Variants in EXOC6B observed in about 807,000 individuals in gnomAD.
EXOC6B encodes the protein exocyst complex component 6B.
In EXOC6B, 54 loss-of-function variants were observed where a neutral mutation model predicts 113.5. The observed-to-expected ratio is 0.48, with a 90% CI of 0.38 to 0.60. The LOEUF is 0.60. Among genes scored for constraint, EXOC6B ranks in the 20% least tolerant of loss-of-function variants. The pLI, the probability that EXOC6B is intolerant of heterozygous loss-of-function variation, is 0.00. For missense variants in EXOC6B, 797 were observed against 977.5 expected, an observed-to-expected ratio of 0.82 and a Z score of 2.46; for synonymous variants, 357 against 339.0, an observed-to-expected ratio of 1.05 and a Z score of -0.58.
intron 6 of EXOC6B, among the ~76,000 whole-genome samples, chr2:72,608,755 GA>G (rs1006464039): frequency 6.6e-6 from 1 of 151,682 alleles, no homozygotes; most frequent in South Asian, 2.1e-4. Flanking sequence ...ACCAAAAAGT[GA>G]AAAAAAATTA....
At chr2:72,430,155 T>C (rs1325696466) in intron 18 of EXOC6B, among the ~76,000 whole-genome samples, 1 of 152,222 alleles carries the variant, frequency 6.6e-6, no homozygotes, top group African/African-American at 2.4e-5. Context: ...CTTTTCATCT[T>C]ATTACTTACA....
chr2:72,807,267 T>G (rs963235783), intron 1 of EXOC6B, among the ~76,000 whole-genome samples: 8 of 152,222 alleles, frequency 5.3e-5, no homozygotes, highest in African/African-American at 1.9e-4. Flanking sequence ...GCACCGTTTA[T>G]TAAATGGGGA....
chr2:72,590,650 T>C (rs1705882459), intron 6 of EXOC6B, among the ~76,000 whole-genome samples: 1 of 152,014 alleles, frequency 6.6e-6, no homozygotes, highest in Non-Finnish European at 1.5e-5. Flanking sequence ...TAAATGAGTT[T>C]CTTTCTTCCT....
intron 6 of EXOC6B, among the ~76,000 whole-genome samples, chr2:72,695,344 G>C (rs898600525): frequency 2.6e-5 from 4 of 152,140 alleles, no homozygotes; most frequent in African/African-American, 9.7e-5. Context: ...GCAAATTCAC[G>C]TACATCAGGA....
chr2:72,362,722 C>T (rs1690395037), intron 19 of EXOC6B, among the ~76,000 whole-genome samples: 1 of 152,098 alleles, frequency 6.6e-6, no homozygotes, highest in Admixed American at 6.6e-5. Flanking sequence ...GTCTCTGAGG[C>T]TCCTGCAAAA....
At chr2:72,249,391 A>T (rs1682868810) in intron 20 of EXOC6B, among the ~76,000 whole-genome samples, 1 of 151,808 alleles carries the variant, frequency 6.6e-6, no homozygotes, top group Non-Finnish European at 1.5e-5. Context: ...AGTAGCTGGG[A>T]CTATAGGCGC....
chr2:72,623,222 TG>T (rs1188858093), intron 6 of EXOC6B, among the ~76,000 whole-genome samples: 1 of 152,166 alleles, frequency 6.6e-6, no homozygotes, highest in Non-Finnish European at 1.5e-5. Context: ...CAGTCTACAG[TG>T]GGGTGTTCTC....
chr2:72,315,869 C>A (rs1687485217), intron 20 of EXOC6B, among the ~76,000 whole-genome samples: 1 of 152,088 alleles, frequency 6.6e-6, no homozygotes, highest in African/African-American at 2.4e-5. Context: ...GTTCTATTAT[C>A]ATAACTGATG....
intron 20 of EXOC6B, among the ~76,000 whole-genome samples, chr2:72,285,449 T>C (rs1017955551): frequency 5.9e-5 from 9 of 151,936 alleles, no homozygotes; most frequent in African/African-American, 2.2e-4. Flanking sequence ...AAGAAAAGAA[T>C]CTAGACACAA....
chr2:72,786,651 C>T (rs1343642054), intron 1 of EXOC6B, among the ~76,000 whole-genome samples: 2 of 152,048 alleles, frequency 1.3e-5, no homozygotes, highest in East Asian at 1.9e-4. Context: ...AAAAAAGAAC[C>T]AGCAAAGATC....
Position 72,429,525 on chromosome 2 carries a change from T to C in EXOC6B, c.1980+35635A>G, listed in dbSNP as rs570520796. Among the ~76,000 whole-genome samples, 4 of 152,366 alleles carry C rather than the reference T, an allele frequency of 2.6e-5. No individual in the cohort carries two copies. The South Asian group carries it at 8.3e-4, about 32-fold the overall frequency. Reference sequence around the variant, plus strand: ...CTGAAACACTTTTGGAATTCCCTTTTAGAACAGCTTTCACAACCATTATTT... The same window carrying C: ...CTGAAACACTTTTGGAATTCCCTTTCAGAACAGCTTTCACAACCATTATTT... On this transcript the variant is annotated intron_variant, in intron 18 of 21. Transcript: ENST00000272427.
chr2:72,184,236 C>CA, intron 20 of EXOC6B, 49 bp from the exon 21 acceptor site: 1 of 972,304 alleles, frequency 1.0e-6, no homozygotes, highest in Non-Finnish European at 1.6e-6. Context: ...ACAGACAAGA[C>CA]AAACCAAGAT....
At chr2:72,409,255 T>G (rs1693999709) in intron 18 of EXOC6B, among the ~76,000 whole-genome samples, 1 of 152,170 alleles carries the variant, frequency 6.6e-6, no homozygotes, top group Non-Finnish European at 1.5e-5. Context: ...AGGAACACTT[T>G]TACACTGTTG....
chr2:72,325,051 A>C (rs1368660114), intron 20 of EXOC6B, among the ~76,000 whole-genome samples: 3 of 152,150 alleles, frequency 2.0e-5, no homozygotes, highest in African/African-American at 7.2e-5. Flanking sequence ...GTTACAGTAT[A>C]AAACATGAAA....
chr2:72,192,569 C>T (rs1678915589), intron 20 of EXOC6B, among the ~76,000 whole-genome samples: 1 of 152,092 alleles, frequency 6.6e-6, no homozygotes, highest in South Asian at 2.1e-4. Flanking sequence ...CAGCATGGGG[C>T]CTACCTCATG....
intron 20 of EXOC6B, among the ~76,000 whole-genome samples, chr2:72,332,504 C>A (rs1688468696): frequency 1.3e-5 from 2 of 151,746 alleles, no homozygotes; most frequent in African/African-American, 4.8e-5. Context: ...ATTGGGGATG[C>A]CCAAATAAAA....
intron 1 of EXOC6B, among the ~76,000 whole-genome samples, chr2:72,760,140 C>G (rs1303118371): frequency 6.6e-6 from 1 of 152,156 alleles, no homozygotes; most frequent in Admixed American, 6.5e-5. Flanking sequence ...TACCCTTCCT[C>G]TCATATGCTC....
chr2:72,394,918 G>A (rs114998891), intron 18 of EXOC6B, among the ~76,000 whole-genome samples: 2 of 152,050 alleles, frequency 1.3e-5, no homozygotes, highest in Non-Finnish European at 2.9e-5. Flanking sequence ...CACTTAAAGT[G>A]CATTTTAAGT....
intron 6 of EXOC6B, among the ~76,000 whole-genome samples, chr2:72,638,711 G>C (rs973055637): frequency 1.3e-5 from 2 of 152,214 alleles, no homozygotes; most frequent in African/African-American, 2.4e-5. Flanking sequence ...GAGCTGCTTA[G>C]AGAAGTGGTA....
Sources: allele counts gnomAD v4.1 joint callset (sites outside exome capture counted in the v4.1 genomes callset), GRCh38; gene constraint gnomAD v4.1.1; transcripts MANE v1.5; gene names NCBI Gene and HGNC (gene_info 2026-07-23, HGNC 2026-07-21).